Variants in GRM8 observed in about 807,000 individuals in gnomAD.
The protein encoded by GRM8 is metabotropic glutamate receptor 8.
A neutral mutation model predicts 87.2 loss-of-function variants in GRM8; 47 were observed. The ratio of observed to expected loss-of-function variants is 0.54; its 90% confidence interval spans 0.43 to 0.69. The LOEUF is 0.69. Among genes scored for constraint, GRM8 ranks in the 30% least tolerant of loss-of-function variants. GRM8 has a pLI of 0.00. For synonymous variants in GRM8, 396 were observed against 404.5 expected (o/e 0.98, Z 0.25); for missense variants, 1,019 against 1,139.2 (o/e 0.89, Z 1.52).
intron 7 of GRM8, among the ~76,000 whole-genome samples, chr7:126,682,285 G>C (rs1401370924): frequency 6.6e-6 from 1 of 152,212 alleles, no homozygotes; most frequent in African/African-American, 2.4e-5. Flanking sequence ...ATGACTGAAT[G>C]CATGAATGGA....
At chr7:126,615,244 T>G (rs1799343700) in intron 7 of GRM8, among the ~76,000 whole-genome samples, 2 of 152,132 alleles carry the variant, frequency 1.3e-5, no homozygotes, top group South Asian at 2.1e-4. Context: ...AAAAGAATTT[T>G]CAACCCAGAA....
chr7:126,826,185 G>A (rs1256996446), intron 6 of GRM8, among the ~76,000 whole-genome samples: 1 of 152,044 alleles, frequency 6.6e-6, no homozygotes. Context: ...AAACATACGT[G>A]TGCATGTGTC....
intron 6 of GRM8, among the ~76,000 whole-genome samples, chr7:126,899,736 TC>T (rs1324870013): frequency 1.6e-5 from 1 of 61,890 alleles, no homozygotes; most frequent in Non-Finnish European, 3.2e-5. Context: ...AGTTATCCCT[TC>T]TTTTTTTTTT....
intron 2 of GRM8, among the ~76,000 whole-genome samples, chr7:127,127,683 A>T (rs771088619): frequency 3.9e-5 from 6 of 152,032 alleles, no homozygotes; most frequent in Admixed American, 1.3e-4. Context: ...TGACGGAAAA[A>T]TGCTATATCT....
intron 3 of GRM8, among the ~76,000 whole-genome samples, chr7:126,977,545 G>A (rs984506359): frequency 2.0e-5 from 3 of 152,174 alleles, no homozygotes; most frequent in Admixed American, 6.5e-5. Flanking sequence ...TACAGAAATT[G>A]AAGATAACCT....
chr7:127,192,579 G>A (rs1795082840), intron 2 of GRM8, among the ~76,000 whole-genome samples: 1 of 152,186 alleles, frequency 6.6e-6, no homozygotes, highest in Non-Finnish European at 1.5e-5. Context: ...ACAAAGGAAA[G>A]AAGTCTGAGA....
intron 9 of GRM8, among the ~76,000 whole-genome samples, chr7:126,456,634 C>T (rs2150504576): frequency 6.9e-6 from 1 of 145,656 alleles, no homozygotes; most frequent in East Asian, 2.0e-4. Context: ...AGACATTTAG[C>T]CAATATATCT....
intron 7 of GRM8, among the ~76,000 whole-genome samples, chr7:126,675,555 G>C (rs1385197455): frequency 6.6e-6 from 1 of 152,160 alleles, no homozygotes; most frequent in African/African-American, 2.4e-5. Context: ...GATCAAGTGG[G>C]TTTCATCCTA....
At chr7:127,036,637 T>C (rs1459231643) in intron 3 of GRM8, among the ~76,000 whole-genome samples, 1 of 152,140 alleles carries the variant, frequency 6.6e-6, no homozygotes, top group Non-Finnish European at 1.5e-5. Context: ...AAAGTTGCCA[T>C]TTGGTTTGGT....
intron 3 of GRM8, among the ~76,000 whole-genome samples, chr7:127,057,633 T>C (rs574899081): frequency 7.2e-5 from 11 of 152,332 alleles, no homozygotes; most frequent in African/African-American, 2.6e-4. Context: ...AGATTATTGT[T>C]ATAAAATGTA....
rs74821325 is a variant in GRM8, at chr7:127,107,133, A to G, written c.511-421T>C. On this transcript the variant is annotated intron_variant, in intron 2 of 10. Transcript: ENST00000339582. ...TTTGGCTTTATAGGACATAAATGCT[A>G]TACAATGACTAACAGGGAATTTAAT... is the stretch of plus-strand genomic sequence containing the variant. 3.6e-3 allele frequency among the ~76,000 whole-genome samples: 545 copies of G among 152,362 alleles called. 4 individuals carry two copies. The highest frequency in any genetic ancestry group is 0.012 in the African/African-American group (491 of 41,580).
chr7:127,205,920 T>C (rs142606423), intron 2 of GRM8, among the ~76,000 whole-genome samples: 2 of 152,172 alleles, frequency 1.3e-5, no homozygotes, highest in South Asian at 2.1e-4. Flanking sequence ...GAAGCAGAAA[T>C]GTATATGACC....
intron 8 of GRM8, among the ~76,000 whole-genome samples, chr7:126,552,798 C>T (rs535681061): frequency 1.3e-5 from 2 of 152,146 alleles, no homozygotes; most frequent in African/African-American, 4.8e-5. Flanking sequence ...TAAAATCATT[C>T]TACATAACTT....
intron 8 of GRM8, among the ~76,000 whole-genome samples, chr7:126,573,767 G>A (rs1193789465): frequency 6.6e-6 from 1 of 151,862 alleles, no homozygotes; most frequent in African/African-American, 2.4e-5. Context: ...TGAATTTTTA[G>A]TAGAGACAGG....
intron 6 of GRM8, among the ~76,000 whole-genome samples, chr7:126,824,730 C>A (rs1261553960): frequency 6.6e-6 from 1 of 152,218 alleles, no homozygotes; most frequent in South Asian, 2.1e-4. Flanking sequence ...TCTTTTTAAG[C>A]AAAAATAGGA....
intron 9 of GRM8, chr7:126,511,423 T>C (rs1311861402): frequency 6.6e-6 from 1 of 152,146 alleles, no homozygotes; most frequent in Non-Finnish European, 1.5e-5. Context: ...TCAACAAATC[T>C]ATAGACAACA....
intron 2 of GRM8, among the ~76,000 whole-genome samples, chr7:127,221,310 C>T (rs1796914912): frequency 6.6e-6 from 1 of 152,204 alleles, no homozygotes; most frequent in African/African-American, 2.4e-5. Flanking sequence ...CATGGTACCA[C>T]CGATGAAGCC....
intron 2 of GRM8, among the ~76,000 whole-genome samples, chr7:127,210,271 C>A (rs1214989159): frequency 6.6e-6 from 1 of 152,202 alleles, no homozygotes; most frequent in Admixed American, 6.5e-5. Context: ...TAGATCCATT[C>A]ATTAGGTCCA....
chr7:126,885,171 C>T (rs1158862085), intron 6 of GRM8, among the ~76,000 whole-genome samples: 1 of 152,184 alleles, frequency 6.6e-6, no homozygotes, highest in African/African-American at 2.4e-5. Context: ...ACAGCTTCTT[C>T]AACCAGAGCA....
Sources: gnomAD v4.1 joint callset for allele counts (sites outside exome capture counted in the v4.1 genomes callset) on GRCh38, gnomAD v4.1.1 for gene constraint, MANE v1.5 for transcripts, NCBI Gene and HGNC (gene_info 2026-07-23, HGNC 2026-07-21) for gene names.